Variants in TRAPPC8 observed in about 807,000 individuals in gnomAD.
The protein encoded by TRAPPC8 is general sporulation gene 1 homolog.
In TRAPPC8, 54 loss-of-function variants were observed where a neutral mutation model predicts 174.3. The observed-to-expected ratio is 0.31, with a 90% CI of 0.25 to 0.39. TRAPPC8 has a LOEUF of 0.39. TRAPPC8 is among the 10% of genes least tolerant of loss of function. The pLI, the probability that TRAPPC8 is intolerant of heterozygous loss-of-function variation, is 1.00. For missense variants in TRAPPC8, 1,531 were observed against 1,699.1 expected (o/e 0.90, Z 1.74); for synonymous variants, 630 against 579.9 (o/e 1.09, Z -1.24).
At chr18:31,900,074 A>G (rs1429727942) in intron 10 of TRAPPC8, among the ~76,000 whole-genome samples, 1 of 152,030 alleles carries the variant, frequency 6.6e-6, no homozygotes, top group Non-Finnish European at 1.5e-5. Context: ...CGTCTCTACT[A>G]AAAATACAAA....
chr18:31,934,609 T>C (rs1312667737), intron 1 of TRAPPC8, among the ~76,000 whole-genome samples: 1 of 152,182 alleles, frequency 6.6e-6, no homozygotes, highest in Non-Finnish European at 1.5e-5. Flanking sequence ...GGCTCACACC[T>C]GTAATCCCAG....
At chr18:31,841,806 T>C (rs1345908065) in intron 26 of TRAPPC8, among the ~76,000 whole-genome samples, 44 of 152,234 alleles carry the variant, frequency 2.9e-4, no homozygotes, top group Non-Finnish European at 1.5e-5. Context: ...GTATCTATTA[T>C]TGTTATTTAC....
intron 26 of TRAPPC8, among the ~76,000 whole-genome samples, chr18:31,841,278 GT>G (rs962887905): frequency 3.3e-5 from 5 of 151,504 alleles, no homozygotes; most frequent in East Asian, 3.9e-4. Flanking sequence ...TTGTATATTT[GT>G]TTTTTTTGTT....
At chr18:31,855,214 A>G (rs1281397347) in intron 21 of TRAPPC8, among the ~76,000 whole-genome samples, 1 of 152,130 alleles carries the variant, frequency 6.6e-6, no homozygotes, top group African/African-American at 2.4e-5. Context: ...TCATTTTTAT[A>G]TTAGAGTGCA....
At chr18:31,926,927 A>T (rs924742090) in intron 2 of TRAPPC8, among the ~76,000 whole-genome samples, 9 of 152,164 alleles carry the variant, frequency 5.9e-5, no homozygotes, top group Admixed American at 3.3e-4. Flanking sequence ...GTCAATAAAT[A>T]AAACTTATTT....
intron 26 of TRAPPC8, among the ~76,000 whole-genome samples, chr18:31,841,601 C>T (rs995593417): frequency 1.3e-5 from 2 of 152,142 alleles, no homozygotes; most frequent in African/African-American, 4.8e-5. Context: ...CTATTTTGAA[C>T]TACTGTGCTA....
At chr18:31,924,857 A>T (rs983461086) in intron 2 of TRAPPC8, among the ~76,000 whole-genome samples, 36 of 151,948 alleles carry the variant, frequency 2.4e-4, no homozygotes, top group African/African-American at 8.2e-4. Context: ...GTTGGCAGGG[A>T]TCTGAGAATG....
At chr18:31,900,553 T>G (rs1431444991) in intron 10 of TRAPPC8, among the ~76,000 whole-genome samples, 1 of 152,178 alleles carries the variant, frequency 6.6e-6, no homozygotes, top group African/African-American at 2.4e-5. Flanking sequence ...AGTTCTCACT[T>G]TTATAGGGTT....
At chr18:31,911,901 A>G (rs546363828) in intron 5 of TRAPPC8, among the ~76,000 whole-genome samples, 34 of 150,596 alleles carry the variant, frequency 2.3e-4, no homozygotes, top group African/African-American at 7.8e-4. Flanking sequence ...ATTTTCTTCT[A>G]AACAAAAAAC....
chr18:31,904,379 G>C (rs1485758861), intron 9 of TRAPPC8, among the ~76,000 whole-genome samples: 2 of 152,130 alleles, frequency 1.3e-5, no homozygotes, highest in Admixed American at 6.5e-5. Context: ...GAGAAACCCT[G>C]TCTCTACTAA....
intron 27 of TRAPPC8, among the ~76,000 whole-genome samples, chr18:31,833,628 T>C (rs1435414953): frequency 6.6e-6 from 1 of 152,196 alleles, no homozygotes; most frequent in African/African-American, 2.4e-5. Context: ...GCACCAGAAA[T>C]ACCTGGCAAG....
intron 5 of TRAPPC8, among the ~76,000 whole-genome samples, chr18:31,911,772 A>G (rs1013858746): frequency 8.6e-5 from 13 of 150,740 alleles, no homozygotes; most frequent in Non-Finnish European, 1.6e-4. Flanking sequence ...AAAAAAAAAA[A>G]AAAAAAAAGA....
At chr18:31,895,295 T>C (rs764706353) in intron 11 of TRAPPC8, among the ~76,000 whole-genome samples, 10 of 152,190 alleles carry the variant, frequency 6.6e-5, no homozygotes, top group Non-Finnish European at 1.3e-4. Context: ...TTGGTAAAGA[T>C]TTAACATAAT....
intron 15 of TRAPPC8, 50 bp from the exon 16 acceptor site, chr18:31,870,552 A>G: frequency 3.2e-6 from 5 of 1,558,426 alleles, no homozygotes; most frequent in Non-Finnish European, 4.4e-6. Flanking sequence ...ATCACACCTC[A>G]TTCTCAGCTT....
intron 27 of TRAPPC8, among the ~76,000 whole-genome samples, chr18:31,837,666 C>G (rs2032833599): frequency 6.6e-6 from 1 of 151,788 alleles, no homozygotes; most frequent in African/African-American, 2.4e-5. Context: ...TCACTGCACT[C>G]CAGCCTGGGT....
At chr18:31,942,576 G>C (rs183863753) in intron 1 of TRAPPC8, 32 bp downstream of exon 1, 1 of 1,493,932 alleles carries the variant, frequency 6.7e-7, no homozygotes. Context: ...GGCTTTGCGG[G>C]AGCCCACTGG....
In TRAPPC8 at chr18:31,829,989, TATA is replaced by T. The variant is rs1287733378; in HGVS notation, c.*763_*765del. The T allele has an allele frequency of 6.6e-6, 1 of 152,652 alleles. No individual in the cohort carries two copies. The highest frequency in any genetic ancestry group is 2.4e-5 in the African/African-American group (1 of 41,452). 9.5% of individuals were successfully genotyped at this position (152,652 alleles called of 1,614,324 possible). A position where few individuals can be genotyped will look rare whatever the true frequency, so the allele number is the denominator to read the frequency against. On this transcript the variant is annotated 3_prime_UTR_variant, in exon 29 of 29. Coordinates refer to ENST00000283351, the MANE Select transcript of TRAPPC8 (RefSeq NM_014939.5). Reference sequence around the variant, plus strand: ...CTATTTACAGTATATTTGTTATAAATATAATACATTTTTGAAAAGCTTATTTTT... The same window carrying T: ...CTATTTACAGTATATTTGTTATAAATATACATTTTTGAAAAGCTTATTTTT...
intron 9 of TRAPPC8, among the ~76,000 whole-genome samples, chr18:31,903,751 C>T (rs1304831486): frequency 3.9e-5 from 6 of 152,048 alleles, no homozygotes; most frequent in Non-Finnish European, 8.8e-5. Flanking sequence ...TCTGGATGGG[C>T]ACAGTGGCTC....
Position 31,942,749 on chromosome 18 carries a change from G to T in TRAPPC8, c.16C>A (p.Gln6Lys). 6.5e-7 allele frequency: 1 copy of T among 1,549,544 alleles called. No individual in the cohort carries two copies. Residue 6 changes from glutamine (Q) to lysine (K), a missense_variant, in exon 1 of 29, where the codon CAA becomes AAA. Physicochemically the swap from Gln to Lys is moderately conservative, Grantham distance 53. Coordinates refer to ENST00000283351, the MANE Select transcript of TRAPPC8 (RefSeq NM_014939.5). ...TCCGGGATTAGCTCCTGCACTGATT[G>T]TACACACTGGGCCATCGCCGCAGCA... MAQCVQSVQELIPDSF... is the reference protein window; with the variant it reads MAQCVKSVQELIPDSF...
Sources: allele counts gnomAD v4.1 joint callset (sites outside exome capture counted in the v4.1 genomes callset), GRCh38; gene constraint gnomAD v4.1.1; transcripts MANE v1.5; gene names NCBI Gene and HGNC (gene_info 2026-07-23, HGNC 2026-07-21).